SLC71A1: variants seen among roughly 807,000 people sequenced by gnomAD.
SLC71A1 encodes hippocampus abundant gene transcript 1.
the SLC71A1 span, among the ~76,000 whole-genome samples, chr1:100,072,992 A>C: frequency 1.3e-5 from 2 of 152,054 alleles, no homozygotes; most frequent in Non-Finnish European, 2.9e-5. Context: ...CATGGCCAAA[A>C]TTAAAATCTG....
At chr1:100,069,585 A>C in the SLC71A1 span, 1 of 1,459,356 alleles carries the variant, frequency 6.9e-7, no homozygotes, top group African/African-American at 1.4e-5. Flanking sequence ...TGTATTCATT[A>C]ATGTTACCTT....
the SLC71A1 span, chr1:100,068,171 C>T: frequency 5.6e-6 from 9 of 1,613,962 alleles, no homozygotes; most frequent in Non-Finnish European, 7.6e-6. Flanking sequence ...CACCCATTTC[C>T]TGGGAACAAG....
chr1:100,049,649 C>T, the SLC71A1 span, among the ~76,000 whole-genome samples: 3 of 152,158 alleles, frequency 2.0e-5, no homozygotes, highest in African/African-American at 7.2e-5. Context: ...TCCTGGAAGT[C>T]TGATATTTCC....
At chr1:100,067,948 A>G in the SLC71A1 span, 2 of 1,589,912 alleles carry the variant, frequency 1.3e-6, no homozygotes, top group African/African-American at 2.7e-5. Flanking sequence ...TAGCCTGACT[A>G]ATCTCTGTCT....
chr1:100,078,613 C>CT, the SLC71A1 span: 1 of 1,104,288 alleles, frequency 9.1e-7, no homozygotes, highest in Non-Finnish European at 1.4e-6. Context: ...TGTGTTCTGT[C>CT]TCCTATGTAC....
At chr1:100,078,158 C>T in the SLC71A1 span, among the ~76,000 whole-genome samples, 1 of 152,104 alleles carries the variant, frequency 6.6e-6, no homozygotes, top group Non-Finnish European at 1.5e-5. Flanking sequence ...TATACATTAT[C>T]CTCAATATAA....
chr1:100,082,342 T>G, the SLC71A1 span: 2 of 693,880 alleles, frequency 2.9e-6, no homozygotes, highest in South Asian at 3.8e-5. Flanking sequence ...ATGAACTCCG[T>G]GGGAACTAAA....
the SLC71A1 span, chr1:100,058,829 A>G: frequency 1.6e-5 from 10 of 606,956 alleles, no homozygotes; most frequent in East Asian, 2.9e-5. Context: ...ATGCGAATAT[A>G]TGTTTGTTTA....
chr1:100,051,218 C>T, the SLC71A1 span, among the ~76,000 whole-genome samples: 4 of 152,008 alleles, frequency 2.6e-5, no homozygotes, highest in Middle Eastern at 6.8e-3. Flanking sequence ...TGGTGAAACC[C>T]TGTCTCTACT....
At chr1:100,082,448 CTATT>C in the SLC71A1 span, 1 of 511,522 alleles carries the variant, frequency 2.0e-6, no homozygotes, top group Non-Finnish European at 3.5e-6. Flanking sequence ...TGCCACTAAG[CTATT>C]TGTTTTATTA....
chr1:100,082,299 G>T, the SLC71A1 span: 1 of 999,700 alleles, frequency 1.0e-6, no homozygotes. Context: ...CATCCACAGT[G>T]TACTTTAAGA....
the SLC71A1 span, chr1:100,069,706 A>G: frequency 6.6e-7 from 1 of 1,525,788 alleles, no homozygotes; most frequent in Non-Finnish European, 9.1e-7. Flanking sequence ...TTTTTTAGTT[A>G]GAGTGATGTC....
the SLC71A1 span, among the ~76,000 whole-genome samples, chr1:100,073,271 CT>C: frequency 1.3e-5 from 2 of 152,324 alleles, no homozygotes; most frequent in South Asian, 4.1e-4. Flanking sequence ...TCTTGCCTCA[CT>C]ATAGTTCATT....
At chr1:100,077,408 A>G in the SLC71A1 span, 1 of 591,620 alleles carries the variant, frequency 1.7e-6, no homozygotes, top group Non-Finnish European at 3.0e-6. Context: ...AAATGTGTCT[A>G]ATATAAGTCT....
At chr1:100,059,814 T>C in the SLC71A1 span, 9,383 of 1,413,188 alleles carry the variant, frequency 6.6e-3, 503 homozygotes, top group African/African-American at 0.12. Context: ...AGGAGTAAAA[T>C]GATTTATTTT....
chr1:100,044,986 T>C, the SLC71A1 span, among the ~76,000 whole-genome samples: 1 of 152,206 alleles, frequency 6.6e-6, no homozygotes, highest in African/African-American at 2.4e-5. Flanking sequence ...CTATGTGGGC[T>C]CTTTTTTGGT....
chr1:100,081,120 G>T, the SLC71A1 span, among the ~76,000 whole-genome samples: 1 of 152,142 alleles, frequency 6.6e-6, no homozygotes, highest in African/African-American at 2.4e-5. Flanking sequence ...ATTTAGCAGA[G>T]TTCTGTACTT....
At chr1:100,048,238 G>C in the SLC71A1 span, among the ~76,000 whole-genome samples, 2 of 151,888 alleles carry the variant, frequency 1.3e-5, no homozygotes, top group Admixed American at 6.6e-5. Context: ...GGGTGCAGTG[G>C]TGGGATCTCA....
the SLC71A1 span, chr1:100,077,347 C>T: frequency 1.3e-6 from 1 of 776,020 alleles, no homozygotes; most frequent in Non-Finnish European, 2.2e-6. Context: ...ATTTGCTTCT[C>T]AACTGAGGGG....
Sources: gnomAD v4.1 joint callset for allele counts (sites outside exome capture counted in the v4.1 genomes callset) on GRCh38, gnomAD v4.1.1 for gene constraint, MANE v1.5 for transcripts, NCBI Gene and HGNC (gene_info 2026-07-23, HGNC 2026-07-21) for gene names.